HEMK2: variants seen among roughly 807,000 people sequenced by gnomAD.
HEMK2 encodes methyltransferase HEMK2.
chr21:28,878,276 T>C, the HEMK2 span: 3 of 1,612,212 alleles, frequency 1.9e-6, no homozygotes, highest in South Asian at 1.1e-5. Flanking sequence ...AACCTGTCCA[T>C]GACTTCCCGA....
chr21:28,595,909 C>T, the HEMK2 span, among the ~76,000 whole-genome samples: 3 of 151,906 alleles, frequency 2.0e-5, no homozygotes, highest in Admixed American at 1.3e-4. Context: ...CTCAGCCTCC[C>T]AAGTAGCTGG....
At chr21:28,873,646 T>A in the HEMK2 span, 4 of 152,204 alleles carry the variant, frequency 2.6e-5, no homozygotes, top group Non-Finnish European at 5.9e-5. Context: ...AGGAATCCTG[T>A]GTATTCCCAA....
the HEMK2 span, among the ~76,000 whole-genome samples, chr21:28,659,017 A>G: frequency 6.6e-6 from 1 of 152,122 alleles, no homozygotes; most frequent in Admixed American, 6.6e-5. Flanking sequence ...GCATGTAACC[A>G]GCTACTTCCT....
the HEMK2 span, among the ~76,000 whole-genome samples, chr21:28,597,655 G>C: frequency 6.6e-6 from 1 of 152,168 alleles, no homozygotes; most frequent in Non-Finnish European, 1.5e-5. Flanking sequence ...GAATCAAAAG[G>C]ACATTTGCCA....
At chr21:28,624,776 T>G in the HEMK2 span, among the ~76,000 whole-genome samples, 1 of 152,102 alleles carries the variant, frequency 6.6e-6, no homozygotes, top group Admixed American at 6.6e-5. Context: ...GAAAGCCAGA[T>G]CACCAGCTGA....
chr21:28,811,666 C>T, the HEMK2 span, among the ~76,000 whole-genome samples: 5 of 152,252 alleles, frequency 3.3e-5, no homozygotes, highest in Admixed American at 1.3e-4. Flanking sequence ...AACGTACCAG[C>T]TTTACAATAA....
At chr21:28,781,229 G>C in the HEMK2 span, among the ~76,000 whole-genome samples, 1 of 152,074 alleles carries the variant, frequency 6.6e-6, no homozygotes, top group Non-Finnish European at 1.5e-5. Flanking sequence ...CTTCCTGCAG[G>C]TGAATTACCT....
the HEMK2 span, among the ~76,000 whole-genome samples, chr21:28,777,320 C>T: frequency 2.6e-5 from 4 of 152,186 alleles, no homozygotes; most frequent in Admixed American, 6.5e-5. Flanking sequence ...CCAACAACTG[C>T]AGACACAAAA....
the HEMK2 span, among the ~76,000 whole-genome samples, chr21:28,578,884 C>T: frequency 1.3e-5 from 2 of 152,134 alleles, no homozygotes; most frequent in African/African-American, 4.8e-5. Flanking sequence ...CAACGGCTCA[C>T]ACTTGCTTCC....
At chr21:28,629,798 G>C in the HEMK2 span, among the ~76,000 whole-genome samples, 4 of 152,126 alleles carry the variant, frequency 2.6e-5, no homozygotes, top group Non-Finnish European at 4.4e-5. Context: ...CCAGGTTTCC[G>C]CAGGGGCCTG....
chr21:28,843,207 CT>C, the HEMK2 span, among the ~76,000 whole-genome samples: 1 of 152,002 alleles, frequency 6.6e-6, no homozygotes, highest in Non-Finnish European at 1.5e-5. Context: ...TTTCACACTG[CT>C]ATAAAGATAG....
the HEMK2 span, among the ~76,000 whole-genome samples, chr21:28,615,702 T>C: frequency 1.3e-5 from 2 of 152,190 alleles, no homozygotes; most frequent in Admixed American, 1.3e-4. Flanking sequence ...AAACCCAAAG[T>C]GAAATCACTA....
At chr21:28,766,922 G>A in the HEMK2 span, among the ~76,000 whole-genome samples, 2 of 151,982 alleles carry the variant, frequency 1.3e-5, no homozygotes, top group Non-Finnish European at 2.9e-5. Context: ...GGCAATGGGT[G>A]GACTAAAATC....
the HEMK2 span, among the ~76,000 whole-genome samples, chr21:28,582,003 G>T: frequency 6.6e-6 from 1 of 152,160 alleles, no homozygotes; most frequent in African/African-American, 2.4e-5. Context: ...AATGCAAACT[G>T]TATTAGTCTA....
At chr21:28,834,886 T>C in the HEMK2 span, among the ~76,000 whole-genome samples, 2 of 152,156 alleles carry the variant, frequency 1.3e-5, no homozygotes, top group Admixed American at 6.5e-5. Context: ...CCCTACTTCC[T>C]AGACAACCTG....
At chr21:28,705,150 TG>T in the HEMK2 span, among the ~76,000 whole-genome samples, 7 of 152,186 alleles carry the variant, frequency 4.6e-5, no homozygotes, top group Non-Finnish European at 1.0e-4. Flanking sequence ...TGTCCTACCT[TG>T]ACTTATTCCT....
the HEMK2 span, among the ~76,000 whole-genome samples, chr21:28,765,438 G>A: frequency 5.3e-5 from 8 of 152,212 alleles, no homozygotes; most frequent in African/African-American, 1.4e-4. Flanking sequence ...TACTAAGTGT[G>A]TGCTAATATT....
At chr21:28,864,915 T>C in the HEMK2 span, among the ~76,000 whole-genome samples, 2 of 150,694 alleles carry the variant, frequency 1.3e-5, no homozygotes, top group South Asian at 2.1e-4. Context: ...ATAGATGATA[T>C]AGATAGATAG....
At chr21:28,876,122 C>T in the HEMK2 span, 1 of 251,976 alleles carries the variant, frequency 4.0e-6, no homozygotes. Flanking sequence ...CAGATCAATT[C>T]CATTGCCTTA....
Sources: allele counts gnomAD v4.1 joint callset (sites outside exome capture counted in the v4.1 genomes callset), GRCh38; gene constraint gnomAD v4.1.1; transcripts MANE v1.5; gene names NCBI Gene and HGNC (gene_info 2026-07-23, HGNC 2026-07-21).